The following OR4P4 variants were observed in gnomAD, a reference collection of about 807,000 sequenced individuals.
OR4P4 encodes the protein olfactory receptor family 4 subfamily P member 4, also known as olfactory receptor 4P4.
In OR4P4, 1 loss-of-function variant was observed where a neutral mutation model predicts 2.1. That is an observed-to-expected ratio of 0.47 (90% CI 0.17 to 2.21). The LOEUF (loss-of-function observed/expected upper bound fraction) is 2.21. Ranked by LOEUF, OR4P4 falls within the 30% of genes most tolerant of loss-of-function variation. The pLI, the probability that OR4P4 is intolerant of heterozygous loss-of-function variation, is 0.27. For synonymous variants in OR4P4, 129 were observed against 133.2 expected (o/e 0.97, Z 0.22); for missense variants, 375 against 376.5 (o/e 1.00, Z 0.03).
At position 55,638,787 on chromosome 11, in the gene OR4P4, A is replaced by C; in HGVS notation, c.430A>C (p.Ile144Leu). The change falls in exon 2 of 2, where the codon ATA (isoleucine) becomes CTA (leucine). Residue 144 changes from isoleucine (I) to leucine (L), a missense_variant. Ile to Leu is a conservative substitution (Grantham distance 5). Coordinates refer to ENST00000641760, the Ensembl canonical transcript of OR4P4. ...CAGGCAAAAGTGTAACACAATCATC[A>C]TAGTTTGTTGTACTGGGGGATTTAT... 2 of 1,492,440 alleles carry C rather than the reference A, an allele frequency of 1.3e-6. 1 individual carries two copies. Among genetic ancestry groups the C allele is most frequent in the Non-Finnish European group, 1.8e-6 (2 of 1,097,590 alleles). 92.4% of individuals were successfully genotyped at this position (1,492,440 alleles called of 1,614,324 possible). A position where few individuals can be genotyped will look rare whatever the true frequency, so the allele number is the denominator to read the frequency against.
At position 55,638,468 on chromosome 11, in the gene OR4P4, G is replaced by T. The variant is rs755877999; in HGVS notation, c.111G>T (p.Trp37Cys). 1.4e-6 allele frequency: 2 copies of T among 1,471,156 alleles called. 1 individual carries two copies. The highest frequency in any genetic ancestry group is 1.9e-6 in the Non-Finnish European group (2 of 1,079,048). 91.1% of individuals were successfully genotyped at this position (1,471,156 alleles called of 1,614,324 possible). ...TTTTGTTTTGCTACATTGCTATTTG[G>T]ATGGGAAACTTACTCATAATGATTT... The change falls in exon 2 of 2, where the codon TGG becomes TGT. Residue 37 changes from tryptophan (W) to cysteine (C), a missense_variant. Transcript: ENST00000641760.
exon 2 of OR4P4, chr11:55,638,924 T>A: frequency 6.7e-7 from 1 of 1,488,738 alleles, no homozygotes; most frequent in Non-Finnish European, 9.1e-7. Context: ...CCTGTTCTAA[T>A]ATACACATGA....
rs1858391568 is a variant in OR4P4, at chr11:55,636,620, G to T, written c.-31+1404G>T. ...TCAGACTTTGGAGTCAGAGAACTCA[G>T]ATTTTAAGCCTTAGTTTGCTATATA... On this transcript the variant is annotated intron_variant, in intron 1 of 1. Transcript: ENST00000641760. 1.5e-5 allele frequency among the ~76,000 whole-genome samples: 2 copies of T among 137,404 alleles called. 1 individual carries two copies. The highest frequency in any genetic ancestry group is 3.2e-5 in the Non-Finnish European group (2 of 61,548). 90.1% of individuals were successfully genotyped at this position (137,404 alleles called of 152,430 possible). A position where few individuals can be genotyped will look rare whatever the true frequency, so the allele number is the denominator to read the frequency against.
rs1233656797 is a variant in OR4P4, at chr11:55,639,168, C to T, written c.811C>T (p.Leu271Phe). Reference sequence around the variant, plus strand: ...ATTCTCAGAAGATAAAGTGTTTGCCCTTTTTTATACCATCATTGCTCCCAT... The same window carrying T: ...ATTCTCAGAAGATAAAGTGTTTGCCTTTTTTTATACCATCATTGCTCCCAT... Residue 271 changes from leucine to phenylalanine, a missense_variant, in exon 2 of 2, where the codon CTT becomes TTT. By Grantham distance (22) the Leu-to-Phe change is conservative. Coordinates refer to ENST00000641760, the Ensembl canonical transcript of OR4P4. 3.4e-6 allele frequency: 5 copies of T among 1,490,856 alleles called. 1 individual carries two copies. In the East Asian group the frequency reaches 1.3e-4, roughly 38 times the overall value. The allele number at this position is 1,490,856 out of a possible 1,614,324, so 92.4% of individuals were successfully genotyped here.
chr11:55,637,020 A>G (rs1446800635), intron 1 of OR4P4, among the ~76,000 whole-genome samples: 1 of 138,292 alleles, frequency 7.2e-6, no homozygotes, highest in East Asian at 2.3e-4. Flanking sequence ...TAGTAGTTAA[A>G]CATGGTGGTT....
rs1466039520 is a variant in OR4P4, at chr11:55,639,438, A to C, written c.*142A>C. Reference sequence around the variant, plus strand: ...TGTGGTTTTATACTTCTACATTGACATCTCTTTAACAAATTGAACATTATT... The same window carrying C: ...TGTGGTTTTATACTTCTACATTGACCTCTCTTTAACAAATTGAACATTATT... On this transcript the variant is annotated 3_prime_UTR_variant, in exon 2 of 2. Transcript: ENST00000641760. 10 of 527,020 alleles carry C rather than the reference A, an allele frequency of 1.9e-5. 3 individuals carry two copies. In the Admixed American group the frequency reaches 2.8e-4, roughly 15 times the overall value. 32.6% of individuals were successfully genotyped at this position (527,020 alleles called of 1,614,324 possible).
exon 2 of OR4P4, chr11:55,638,673 G>A (rs1858419923): frequency 6.7e-7 from 1 of 1,490,986 alleles, no homozygotes. Flanking sequence ...CCATTTTTTT[G>A]GAGGCATAGA....
Position 55,639,139 on chromosome 11 carries a change from C to A in OR4P4, c.782C>A (p.Thr261Lys), listed in dbSNP as rs758198867. Residue 261 changes from threonine (T) to lysine (K), a missense_variant, in exon 2 of 2, where the codon ACA becomes AAA. By Grantham distance (78) the Thr-to-Lys change is moderately conservative. Coordinates refer to ENST00000641760, the Ensembl canonical transcript of OR4P4. Reference sequence around the variant, plus strand: ...TTGTTCATTTACATTAGACCGGTCACAACATTCTCAGAAGATAAAGTGTTT... The same window carrying A: ...TTGTTCATTTACATTAGACCGGTCAAAACATTCTCAGAAGATAAAGTGTTT... 8.0e-6 allele frequency: 12 copies of A among 1,493,872 alleles called. 4 individuals carry two copies. The highest frequency in any genetic ancestry group is 1.0e-5 in the Non-Finnish European group (11 of 1,098,152). The allele number at this position is 1,493,872 out of a possible 1,614,324, so 92.5% of individuals were successfully genotyped here.
In OR4P4 at chr11:55,638,632, A is replaced by G. The variant is rs746442650; in HGVS notation, c.275A>G (p.Tyr92Cys). Residue 92 changes from tyrosine to cysteine, a missense_variant, in exon 2 of 2, where the codon TAT (tyrosine) becomes TGT (cysteine). Physicochemically the swap from Tyr to Cys is radical, Grantham distance 194. Coordinates refer to ENST00000641760, the Ensembl canonical transcript of OR4P4. Reference sequence around the variant, plus strand: ...CTGGCAGAAAGAAAGACCATTTCCTATAATAACTGTATGATACAACTCTTT... The same window carrying G: ...CTGGCAGAAAGAAAGACCATTTCCTGTAATAACTGTATGATACAACTCTTT... The G allele has an allele frequency of 1.7e-5, 25 of 1,490,876 alleles. 4 individuals are homozygous for G. Among genetic ancestry groups the G allele is most frequent in the African/African-American group, 9.6e-5 (7 of 72,772 alleles). The allele number at this position is 1,490,876 out of a possible 1,614,324, so 92.4% of individuals were successfully genotyped here.
rs1455618465 is a variant in OR4P4 at position 55,638,182 on chromosome 11, TAGAA to T, written c.-30-143_-30-140del. On this transcript the variant is annotated intron_variant, in intron 1 of 1. Coordinates refer to ENST00000641760, the Ensembl canonical transcript of OR4P4. ...TATATATATACATGGAGAGTCTTATTAGAAAGCCATTTTAATTGAATACCAGATA... is the reference window on the plus strand; with the variant it reads ...TATATATATACATGGAGAGTCTTATTAGCCATTTTAATTGAATACCAGATA... The T allele has an allele frequency of 9.4e-6, 4 of 427,116 alleles. 1 individual carries two copies. Among genetic ancestry groups the T allele is most frequent in the African/African-American group, 8.0e-5 (4 of 49,808 alleles). 26.5% of individuals were successfully genotyped at this position (427,116 alleles called of 1,614,324 possible).
intron 1 of OR4P4, among the ~76,000 whole-genome samples, chr11:55,635,466 G>T (rs1858376926): frequency 7.3e-6 from 1 of 136,798 alleles, no homozygotes; most frequent in Non-Finnish European, 1.6e-5. Context: ...TCATTTATTT[G>T]ATTTGGTGAT....
chr11:55,638,729 T>G, exon 2 of OR4P4: 1 of 1,492,926 alleles, frequency 6.7e-7, no homozygotes, highest in Non-Finnish European at 9.1e-7. Context: ...ATGTGGCCAT[T>G]TGCAAGCCCC....
At chr11:55,639,584 G>C in exon 2 of OR4P4, 1 of 269,034 alleles carries the variant, frequency 3.7e-6, no homozygotes, top group African/African-American at 2.2e-5. Flanking sequence ...AAATAAAACA[G>C]ATTATGTGTT....
In OR4P4 at chr11:55,639,688, C is replaced by T. The variant is rs7944249; in HGVS notation, c.*392C>T. Reference sequence around the variant, plus strand: ...CTAAACACAGAAAATGCATGTATTGCCTGTGTACAGCTCACGAATTTTTGC... The same window carrying T: ...CTAAACACAGAAAATGCATGTATTGTCTGTGTACAGCTCACGAATTTTTGC... On this transcript the variant is annotated 3_prime_UTR_variant, in exon 2 of 2. Coordinates refer to ENST00000641760, the Ensembl canonical transcript of OR4P4. 4.5e-3 allele frequency: 721 copies of T among 160,976 alleles called. 64 individuals carry two copies. Among genetic ancestry groups the T allele is most frequent in the African/African-American group, 0.016 (666 of 40,438 alleles). 10.0% of individuals were successfully genotyped at this position (160,976 alleles called of 1,614,324 possible).
intron 1 of OR4P4, among the ~76,000 whole-genome samples, chr11:55,635,497 A>T (rs1858377146): frequency 7.3e-6 from 1 of 137,138 alleles, no homozygotes; most frequent in South Asian, 2.4e-4. Context: ...ATAGTTACTA[A>T]CATGGTATGA....
Position 55,639,469 on chromosome 11 carries a change from C to G in OR4P4, c.*173C>G. 4 of 479,282 alleles carry G rather than the reference C, an allele frequency of 8.3e-6. 2 individuals carry two copies. In the East Asian group the frequency reaches 1.4e-4, roughly 17 times the overall value. The allele number at this position is 479,282 out of a possible 1,614,324, so 29.7% of individuals were successfully genotyped here. ...TTAACAAATTGAACATTATTCTTAT[C>G]CATACTCTCCTCCGCCTTTCTTAAT... On this transcript the variant is annotated 3_prime_UTR_variant, in exon 2 of 2. Transcript: ENST00000641760.
exon 1 of OR4P4, chr11:55,635,214 T>C (rs1487446053): frequency 7.2e-6 from 1 of 137,986 alleles, no homozygotes; most frequent in Non-Finnish European, 1.6e-5. Context: ...AGGATGCTAA[T>C]TGGTGAGTTG....
chr11:55,638,447 G>C, exon 2 of OR4P4: 1 of 1,465,534 alleles, frequency 6.8e-7, no homozygotes, highest in Non-Finnish European at 9.3e-7. Flanking sequence ...TATTATTTTT[G>C]TTTTGCTACA....
exon 2 of OR4P4, chr11:55,639,695 A>T (rs1470394971): frequency 6.5e-6 from 1 of 153,724 alleles, no homozygotes; most frequent in Non-Finnish European, 1.4e-5. Flanking sequence ...TTGCCTGTGT[A>T]CAGCTCACGA....
Sources: gnomAD v4.1 joint callset for allele counts (sites outside exome capture counted in the v4.1 genomes callset) on GRCh38, gnomAD v4.1.1 for gene constraint, MANE v1.5 for transcripts, NCBI Gene and HGNC (gene_info 2026-07-23, HGNC 2026-07-21) for gene names.